DTNB: variants seen among roughly 807,000 people sequenced by gnomAD.
DTNB encodes the protein dystrobrevin beta.
DTNB carries 63 observed loss-of-function variants against 90.7 expected under a neutral mutation model. The observed-to-expected ratio is 0.69, with a 90% CI of 0.57 to 0.86. The LOEUF (loss-of-function observed/expected upper bound fraction) is 0.86. DTNB is among the 40% of genes least tolerant of loss of function. The pLI, the probability that DTNB is intolerant of heterozygous loss-of-function variation, is 0.00. For missense variants in DTNB, 744 were observed against 807.1 expected (o/e 0.92, Z 0.95); for synonymous variants, 277 against 286.7 (o/e 0.97, Z 0.34).
At chr2:25,383,910 AG>A (rs761563947) in intron 18 of DTNB, 21 bp from the exon 19 acceptor site, 22 of 1,613,872 alleles carry the variant, frequency 1.4e-5, no homozygotes, top group Admixed American at 5.0e-5. Flanking sequence ...AAGTCCAAGG[AG>A]GCCAGTGACC....
chr2:25,658,583 A>C (rs1027375066), intron 1 of DTNB, among the ~76,000 whole-genome samples: 1 of 152,266 alleles, frequency 6.6e-6, no homozygotes, highest in Non-Finnish European at 1.5e-5. Flanking sequence ...ATTGTTCAGC[A>C]ATAAAAAGAA....
At chr2:25,648,978 C>T (rs78008211) in intron 2 of DTNB, among the ~76,000 whole-genome samples, 20,096 of 146,740 alleles carry the variant, frequency 0.14, 1,891 homozygotes, top group South Asian at 0.31. Flanking sequence ...AAAAACAAGA[C>T]GCTATCCTTC....
chr2:25,604,399 T>TTC (rs112805986), intron 5 of DTNB, among the ~76,000 whole-genome samples: 78,605 of 148,934 alleles, frequency 0.53, 21,465 homozygotes, highest in African/African-American at 0.65. Flanking sequence ...TCTCCCTTCT[T>TTC]TCTCTCTCTC....
rs760733080 is a variant in DTNB at position 25,652,587 on chromosome 2, G to C, written c.67+7C>G. On this transcript the variant is annotated splice_region_variant and intron_variant, in intron 2 of 20. Transcript: ENST00000406818. ...CCCGCACATATGAACAAGGACTCAA[G>C]ACTCACGCATTTCTATGAACAGCTG... 1.3e-6 allele frequency: 2 copies of C among 1,596,836 alleles called. No individual in the cohort carries two copies. The highest frequency in any genetic ancestry group is 1.1e-5 in the South Asian group (1 of 89,860).
intron 9 of DTNB, among the ~76,000 whole-genome samples, chr2:25,511,447 T>A (rs1221037749): frequency 6.6e-6 from 1 of 152,172 alleles, no homozygotes; most frequent in African/African-American, 2.4e-5. Context: ...TACTCCTATA[T>A]CAGCCTCCCA....
intron 8 of DTNB, among the ~76,000 whole-genome samples, chr2:25,568,238 T>C (rs1257799887): frequency 1.3e-5 from 2 of 152,102 alleles, no homozygotes; most frequent in African/African-American, 4.8e-5. Flanking sequence ...AGATGGATGC[T>C]GGTGATGGCC....
At chr2:25,537,583 C>T (rs2080118540) in intron 8 of DTNB, among the ~76,000 whole-genome samples, 1 of 152,046 alleles carries the variant, frequency 6.6e-6, no homozygotes, top group African/African-American at 2.4e-5. Flanking sequence ...ACTATGTATC[C>T]AATTAGGTTG....
chr2:25,583,548 CGCTCTGTTGCCAG>C (rs1559122280), intron 6 of DTNB, among the ~76,000 whole-genome samples: 2 of 151,546 alleles, frequency 1.3e-5, no homozygotes, highest in Non-Finnish European at 2.9e-5. Context: ...GACAGAGTCT[CGCTCTGTTGCCAG>C]GCTGGAGTGC....
At chr2:25,570,082 G>C in intron 8 of DTNB, among the ~76,000 whole-genome samples, 1 of 143,548 alleles carries the variant, frequency 7.0e-6, no homozygotes, top group Admixed American at 7.1e-5. Flanking sequence ...AGGCAACAAA[G>C]CAAGACTGCA....
intron 12 of DTNB, among the ~76,000 whole-genome samples, chr2:25,435,738 G>T (rs1052761810): frequency 3.4e-4 from 52 of 152,294 alleles, no homozygotes; most frequent in African/African-American, 1.2e-3. Flanking sequence ...TCTTGTGTAC[G>T]TACCTAGGAA....
intron 9 of DTNB, among the ~76,000 whole-genome samples, chr2:25,495,416 G>A (rs1317258116): frequency 6.6e-6 from 1 of 152,108 alleles, no homozygotes; most frequent in Non-Finnish European, 1.5e-5. Context: ...TGTGGTTAGA[G>A]ACCTATTCGT....
chr2:25,554,459 T>C (rs1384839909), intron 8 of DTNB, among the ~76,000 whole-genome samples: 3 of 152,160 alleles, frequency 2.0e-5, no homozygotes, highest in African/African-American at 7.2e-5. Context: ...GTAAAGCTCA[T>C]ATATTGCTGG....
At chr2:25,409,958 A>C (rs2046183730) in intron 16 of DTNB, among the ~76,000 whole-genome samples, 1 of 152,234 alleles carries the variant, frequency 6.6e-6, no homozygotes, top group African/African-American at 2.4e-5. Context: ...GTCCAAAATC[A>C]GATCAAAGTC....
chr2:25,454,115 G>A (rs1451098963), intron 11 of DTNB, among the ~76,000 whole-genome samples: 1 of 149,760 alleles, frequency 6.7e-6, no homozygotes, highest in Non-Finnish European at 1.5e-5. Flanking sequence ...GCACCACTGC[G>A]CTCCAACCTG....
At position 25,502,512 on chromosome 2, in the gene DTNB, C is replaced by T. The variant is rs1435870795; in HGVS notation, c.1002-19639G>A. On this transcript the variant is annotated intron_variant, in intron 9 of 20. Transcript: ENST00000406818. ...CTTTGGTAGGCTGAGGCAGGAAGAT[C>T]GCGAGGATCACTTGAGCCCAGGAGG... Among the ~76,000 whole-genome samples the T allele has an allele frequency of 6.6e-5, 10 of 151,666 alleles. No individual in the cohort carries two copies. In the East Asian group the frequency reaches 9.8e-4, roughly 15 times the overall value.
chr2:25,425,662 C>A (rs1324457308), intron 15 of DTNB, among the ~76,000 whole-genome samples: 1 of 152,222 alleles, frequency 6.6e-6, no homozygotes, highest in African/African-American at 2.4e-5. Context: ...TGTCATCTGG[C>A]TTTGGGGGCA....
chr2:25,512,142 C>T (rs528267017), intron 9 of DTNB, among the ~76,000 whole-genome samples: 9 of 152,258 alleles, frequency 5.9e-5, no homozygotes, highest in Admixed American at 2.6e-4. Context: ...ATGCCTTATT[C>T]CAACCTTATC....
intron 8 of DTNB, among the ~76,000 whole-genome samples, chr2:25,561,091 T>C (rs943663758): frequency 1.3e-5 from 2 of 152,210 alleles, no homozygotes; most frequent in African/African-American, 4.8e-5. Flanking sequence ...GCACATTCCT[T>C]CTAGTAGTCT....
chr2:25,419,892 G>A (rs2048961319), intron 15 of DTNB, among the ~76,000 whole-genome samples: 1 of 152,182 alleles, frequency 6.6e-6, no homozygotes, highest in Non-Finnish European at 1.5e-5. Context: ...GTGCAACCAT[G>A]ACTTGAAATT....
Sources: allele counts gnomAD v4.1 joint callset (sites outside exome capture counted in the v4.1 genomes callset), GRCh38; gene constraint gnomAD v4.1.1; transcripts MANE v1.5; gene names NCBI Gene and HGNC (gene_info 2026-07-23, HGNC 2026-07-21).